Variants in GNA14 observed in about 807,000 individuals in gnomAD.
GNA14 encodes the protein guanine nucleotide-binding protein subunit alpha-14.
In GNA14, 50 loss-of-function variants were observed where a neutral mutation model predicts 42.0. The ratio of observed to expected loss-of-function variants is 1.19; its 90% CI spans 0.95 to 1.51. The LOEUF is 1.51. GNA14 is among the 40% of genes most tolerant of loss of function. The pLI, the probability that GNA14 is intolerant of heterozygous loss-of-function variation, is 0.00. For missense variants in GNA14, 473 were observed against 446.2 expected, an observed-to-expected ratio of 1.06 and a Z score of -0.54; for synonymous variants, 173 against 163.1, an observed-to-expected ratio of 1.06 and a Z score of -0.46.
chr9:77,457,541 G>A (rs1369295285), intron 2 of GNA14, among the ~76,000 whole-genome samples: 1 of 152,132 alleles, frequency 6.6e-6, no homozygotes, highest in East Asian at 1.9e-4. Flanking sequence ...ATGCCCTACC[G>A]GAGTGTGAGA....
chr9:77,553,987 T>C (rs1193673565), intron 1 of GNA14, among the ~76,000 whole-genome samples: 1 of 152,148 alleles, frequency 6.6e-6, no homozygotes, highest in Non-Finnish European at 1.5e-5. Flanking sequence ...TGAAATGCCG[T>C]CTACAGTACA....
At chr9:77,564,172 A>C (rs1476495831) in intron 1 of GNA14, among the ~76,000 whole-genome samples, 1 of 151,972 alleles carries the variant, frequency 6.6e-6, no homozygotes, top group Non-Finnish European at 1.5e-5. Flanking sequence ...GACACAGTCT[A>C]TTCCTTTCTC....
At chr9:77,443,696 G>T (rs1835771110) in intron 2 of GNA14, among the ~76,000 whole-genome samples, 1 of 151,920 alleles carries the variant, frequency 6.6e-6, no homozygotes, top group African/African-American at 2.4e-5. Flanking sequence ...CAAAACTTCA[G>T]TCGGGGCTGG....
chr9:77,442,306 AG>A lies in GNA14; in HGVS notation c.310-7785del, dbSNP rs1191233514. On this transcript the variant is annotated intron_variant, in intron 2 of 6. Transcript: ENST00000341700. Reference sequence around the variant, plus strand: ...AGAATCACTTGAACCTGGGAGGTGGAGGTTGCAGTGAGCTGAGATCACACAA... The same window carrying A: ...AGAATCACTTGAACCTGGGAGGTGGAGTTGCAGTGAGCTGAGATCACACAA... 3.9e-5 allele frequency among the ~76,000 whole-genome samples: 6 copies of A among 152,338 alleles called. 1 individual carries two copies. The East Asian group carries it at 1.2e-3, about 29-fold the overall frequency.
chr9:77,439,823 T>C (rs1835701511), intron 2 of GNA14, among the ~76,000 whole-genome samples: 1 of 152,128 alleles, frequency 6.6e-6, no homozygotes, highest in African/African-American at 2.4e-5. Context: ...TAAGGCTTGC[T>C]TCATCTCAGG....
intron 2 of GNA14, among the ~76,000 whole-genome samples, chr9:77,450,323 A>T (rs1044648096): frequency 6.6e-6 from 1 of 152,110 alleles, no homozygotes; most frequent in Non-Finnish European, 1.5e-5. Context: ...GCTCAGCCTT[A>T]CCCATGCACA....
chr9:77,599,373 A>G (rs554105224), intron 1 of GNA14, among the ~76,000 whole-genome samples: 21 of 152,336 alleles, frequency 1.4e-4, no homozygotes, highest in African/African-American at 5.1e-4. Context: ...AATAGGGGGA[A>G]GGAGAATGGC....
chr9:77,514,665 G>C (rs1402985893), intron 2 of GNA14, among the ~76,000 whole-genome samples: 1 of 148,684 alleles, frequency 6.7e-6, no homozygotes, highest in Non-Finnish European at 1.5e-5. Context: ...CCAGGCTAGA[G>C]TGCAGTGGTG....
chr9:77,626,487 G>A (rs1824015069), intron 1 of GNA14, among the ~76,000 whole-genome samples: 1 of 152,086 alleles, frequency 6.6e-6, no homozygotes, highest in African/African-American at 2.4e-5. Flanking sequence ...ATCATTGGAA[G>A]TAAAACACCT....
chr9:77,432,791 G>A (rs941080023), intron 3 of GNA14, among the ~76,000 whole-genome samples: 1 of 152,028 alleles, frequency 6.6e-6, no homozygotes, highest in South Asian at 2.1e-4. Flanking sequence ...TTTTCCAAAT[G>A]GATCTACATC....
intron 2 of GNA14, among the ~76,000 whole-genome samples, chr9:77,459,323 G>A (rs932608623): frequency 1.3e-5 from 2 of 152,138 alleles, no homozygotes; most frequent in African/African-American, 4.8e-5. Context: ...TAAGGAGCAG[G>A]GGGATTGTCT....
intron 6 of GNA14, 87 bp downstream of exon 6, chr9:77,425,475 C>T: frequency 2.2e-6 from 2 of 925,310 alleles, no homozygotes; most frequent in Non-Finnish European, 3.3e-6. Flanking sequence ...CCAGGGAGGC[C>T]CCTTTGAGCC....
intron 2 of GNA14, among the ~76,000 whole-genome samples, chr9:77,477,719 T>C (rs368542751): frequency 8.5e-5 from 13 of 152,236 alleles, no homozygotes; most frequent in African/African-American, 2.9e-4. Flanking sequence ...AGTGACACTG[T>C]AGAAAACAGA....
intron 1 of GNA14, among the ~76,000 whole-genome samples, chr9:77,586,598 T>C (rs1395462033): frequency 6.6e-6 from 1 of 152,168 alleles, no homozygotes; most frequent in Non-Finnish European, 1.5e-5. Flanking sequence ...AACAGCTCTC[T>C]CTCCTGCACA....
At chr9:77,426,822 G>A (rs1369685337) in intron 5 of GNA14, among the ~76,000 whole-genome samples, 1 of 152,232 alleles carries the variant, frequency 6.6e-6, no homozygotes, top group East Asian at 1.9e-4. Context: ...TTTCTAAGAG[G>A]AAAGAAACAA....
intron 1 of GNA14, among the ~76,000 whole-genome samples, chr9:77,552,438 T>C (rs557664306): frequency 4.5e-4 from 69 of 152,340 alleles, no homozygotes; most frequent in African/African-American, 1.6e-3. Context: ...TGAGCTTTCC[T>C]AACAGAATTG....
At chr9:77,594,285 T>C (rs549312281) in intron 1 of GNA14, among the ~76,000 whole-genome samples, 1 of 152,284 alleles carries the variant, frequency 6.6e-6, no homozygotes, top group East Asian at 1.9e-4. Context: ...TAGTCAGCAT[T>C]TCTAGTCAAG....
At chr9:77,553,684 C>T (rs1466040635) in intron 1 of GNA14, among the ~76,000 whole-genome samples, 1 of 152,020 alleles carries the variant, frequency 6.6e-6, no homozygotes, top group Non-Finnish European at 1.5e-5. Flanking sequence ...CCCATTCCCA[C>T]TTATTTGTGT....
intron 2 of GNA14, among the ~76,000 whole-genome samples, chr9:77,487,909 A>G (rs1235433380): frequency 6.6e-6 from 1 of 152,188 alleles, no homozygotes; most frequent in East Asian, 1.9e-4. Flanking sequence ...AGGAACAACA[A>G]TGTGCCAAAC....
Sources: gnomAD v4.1 joint callset for allele counts (sites outside exome capture counted in the v4.1 genomes callset) on GRCh38, gnomAD v4.1.1 for gene constraint, MANE v1.5 for transcripts, NCBI Gene and HGNC (gene_info 2026-07-23, HGNC 2026-07-21) for gene names.